ARL6IP5: variants seen among roughly 807,000 people sequenced by gnomAD.
ARL6IP5 encodes ARF like GTPase 6 interacting protein 5.
Under a neutral mutation model 13.0 loss-of-function variants are expected in ARL6IP5, and 6 were observed. That is an observed-to-expected ratio of 0.46 (90% confidence interval 0.25 to 0.91). The LOEUF (loss-of-function observed/expected upper bound fraction) is 0.91, where lower values mean the gene tolerates loss of function less well. Among genes scored for constraint, ARL6IP5 ranks in the 40% least tolerant of loss-of-function variants. The probability of loss-of-function intolerance (pLI) is 0.17; values close to 1 mark genes in which losing one functional copy is unlikely to be tolerated. For synonymous variants in ARL6IP5, 91 were observed against 91.9 expected (o/e 0.99, Z 0.06); for missense variants, 208 against 248.8 (o/e 0.84, Z 1.10).
chr3:69,103,146 A>G (rs1474071638), intron 2 of ARL6IP5, among the ~76,000 whole-genome samples: 1 of 152,236 alleles, frequency 6.6e-6, no homozygotes, highest in Non-Finnish European at 1.5e-5. Flanking sequence ...TGAGCCAACA[A>G]ATTCACACAT....
intron 1 of ARL6IP5, chr3:69,089,979 G>T: frequency 2.5e-6 from 1 of 398,316 alleles, no homozygotes; most frequent in Non-Finnish European, 4.9e-6. Flanking sequence ...TTTCTAGAAG[G>T]CTGGTAATTA....
At chr3:69,098,311 C>T (rs1322866144) in intron 1 of ARL6IP5, among the ~76,000 whole-genome samples, 1 of 142,496 alleles carries the variant, frequency 7.0e-6, no homozygotes, top group Non-Finnish European at 1.5e-5. Flanking sequence ...ATGGCACCAT[C>T]TCGGCTCACT....
intron 1 of ARL6IP5, 62 bp from the exon 2 acceptor site, chr3:69,101,777 C>CTCCTT: frequency 7.2e-7 from 1 of 1,387,870 alleles, no homozygotes; most frequent in Non-Finnish European, 1.0e-6. Flanking sequence ...ACTCCTCTTT[C>CTCCTT]TCCTTTTGCT....
At chr3:69,095,772 GTTATGATCCACCGCAC>G (rs1178953658) in intron 1 of ARL6IP5, among the ~76,000 whole-genome samples, 1 of 152,136 alleles carries the variant, frequency 6.6e-6, no homozygotes, top group East Asian at 1.9e-4. Context: ...TGGGATTACA[GTTATGATCCACCGCAC>G]CCAGCCCTCT....
chr3:69,101,775 TTCTC>T (rs2092305977), intron 1 of ARL6IP5, 60 bp from the exon 2 acceptor site: 1 of 1,378,282 alleles, frequency 7.3e-7, no homozygotes, highest in Admixed American at 2.0e-5. Context: ...TTACTCCTCT[TTCTC>T]CTTTTGCTAC....
chr3:69,091,121 G>A (rs1479287587), intron 1 of ARL6IP5, among the ~76,000 whole-genome samples: 11 of 152,102 alleles, frequency 7.2e-5, no homozygotes, highest in Non-Finnish European at 1.0e-4. Context: ...TCTTTTGAGC[G>A]TGGGAGGCGG....
intron 1 of ARL6IP5, among the ~76,000 whole-genome samples, chr3:69,089,148 T>A (rs939594358): frequency 1.3e-5 from 2 of 152,200 alleles, no homozygotes; most frequent in Admixed American, 1.3e-4. Context: ...ACTGGATTGG[T>A]CTGGCTCAAA....
rs749242912 is a variant in ARL6IP5, at chr3:69,094,257, G to C, written c.177-7582G>C. Among the ~76,000 whole-genome samples, 118 of 152,122 alleles carry C rather than the reference G, an allele frequency of 7.8e-4. 2 individuals carry two copies. The highest frequency in any genetic ancestry group is 2.9e-4 in the Non-Finnish European group (20 of 68,010). ...ACTTCTTCCTCTCCTAGCAGTTACA[G>C]CCAAAGCCAAATTTTGGCCTTGGCT... On this transcript the variant is annotated intron_variant, in intron 1 of 2. Transcript: ENST00000273258.
chr3:69,096,390 T>TA (rs1367065241), intron 1 of ARL6IP5, among the ~76,000 whole-genome samples: 2 of 152,122 alleles, frequency 1.3e-5, no homozygotes, highest in Non-Finnish European at 2.9e-5. Context: ...TAGAGGAAAA[T>TA]AAAAACAGCT....
chr3:69,092,985 C>G (rs1363975394), intron 1 of ARL6IP5, among the ~76,000 whole-genome samples: 6 of 152,216 alleles, frequency 3.9e-5, no homozygotes, highest in African/African-American at 1.2e-4. Context: ...ATACATTATT[C>G]TCTCTACCTA....
chr3:69,094,183 G>A (rs1559653278), intron 1 of ARL6IP5, among the ~76,000 whole-genome samples: 1 of 152,300 alleles, frequency 6.6e-6, no homozygotes, highest in East Asian at 1.9e-4. Flanking sequence ...AACCTGGCAG[G>A]TAGGCCAGCT....
Position 69,098,686 on chromosome 3 carries a change from T to C in ARL6IP5, c.177-3153T>C, listed in dbSNP as rs560482517. Among the ~76,000 whole-genome samples the C allele has an allele frequency of 7.9e-5, 12 of 152,284 alleles. No individual in the cohort carries two copies. In the East Asian group the frequency reaches 2.3e-3, roughly 29 times the overall value. On this transcript the variant is annotated intron_variant, in intron 1 of 2. Coordinates refer to ENST00000273258, the MANE Select transcript of ARL6IP5 (RefSeq NM_006407.4). ...GGATTACAGGCTTGAGCCACTGTAC[T>C]CAGCCTAGAAACTTCTACTTCTGAG...
chr3:69,105,050 C>T lies in ARL6IP5; in HGVS notation c.*414C>T. The T allele has an allele frequency of 3.4e-6, 2 of 595,736 alleles. No individual in the cohort carries two copies. The highest frequency in any genetic ancestry group is 2.1e-5 in the South Asian group (1 of 47,746). 36.9% of individuals were successfully genotyped at this position (595,736 alleles called of 1,614,324 possible). A position where few individuals can be genotyped will look rare whatever the true frequency, so the allele number is the denominator to read the frequency against. On this transcript the variant is annotated 3_prime_UTR_variant, in exon 3 of 3. Transcript: ENST00000273258. The stretch of plus-strand genomic sequence containing the variant: ...TAAAGTAGATGACATCATGTGTTAG[C>T]CTGTTCCTAATCCCCTAGAATTGTA...
intron 2 of ARL6IP5, among the ~76,000 whole-genome samples, chr3:69,102,517 C>T (rs1400741438): frequency 6.6e-6 from 1 of 152,150 alleles, no homozygotes; most frequent in Non-Finnish European, 1.5e-5. Context: ...TCCTTGGACT[C>T]CCCAAGTGCT....
intron 2 of ARL6IP5, among the ~76,000 whole-genome samples, chr3:69,102,493 T>C (rs1344254707): frequency 2.0e-5 from 3 of 152,152 alleles, no homozygotes; most frequent in Non-Finnish European, 4.4e-5. Context: ...CTCCCAAGCT[T>C]GAGTGATCTA....
At chr3:69,095,611 C>T (rs2107512897) in intron 1 of ARL6IP5, among the ~76,000 whole-genome samples, 1 of 151,908 alleles carries the variant, frequency 6.6e-6, no homozygotes, top group African/African-American at 2.4e-5. Context: ...TCTCGTGTCT[C>T]AGCCTCCTGA....
intron 1 of ARL6IP5, among the ~76,000 whole-genome samples, chr3:69,092,384 G>C (rs2092270742): frequency 6.6e-6 from 1 of 152,202 alleles, no homozygotes; most frequent in Admixed American, 6.5e-5. Context: ...GGAAGTCTGT[G>C]TTACCAAGCT....
intron 1 of ARL6IP5, chr3:69,089,783 T>A (rs1026216676): frequency 3.1e-5 from 14 of 456,578 alleles, no homozygotes; most frequent in African/African-American, 1.6e-4. Context: ...TGTATTCTTA[T>A]GTATATACAT....
chr3:69,097,657 C>G (rs1012094004), intron 1 of ARL6IP5, among the ~76,000 whole-genome samples: 1 of 152,086 alleles, frequency 6.6e-6, no homozygotes, highest in Non-Finnish European at 1.5e-5. Flanking sequence ...CCGGGGTTGT[C>G]TCAGAAGACA....
Sources: gnomAD v4.1 joint callset for allele counts (sites outside exome capture counted in the v4.1 genomes callset) on GRCh38, gnomAD v4.1.1 for gene constraint, MANE v1.5 for transcripts, NCBI Gene and HGNC (gene_info 2026-07-23, HGNC 2026-07-21) for gene names.